The following NUP210L variants were observed in gnomAD, a reference collection of about 807,000 sequenced individuals.
The protein encoded by NUP210L is nuclear pore membrane glycoprotein 210-like.
A neutral mutation model predicts 208.5 loss-of-function variants in NUP210L; 74 were observed. The observed-to-expected ratio is 0.35, with a 90% CI of 0.29 to 0.43. The LOEUF (loss-of-function observed/expected upper bound fraction) is 0.43, where lower values mean the gene tolerates loss of function less well. Ranked by LOEUF, NUP210L falls within the 20% of genes least tolerant of loss-of-function variation. NUP210L has a pLI of 1.00. For synonymous variants in NUP210L, 780 were observed against 816.9 expected, an observed-to-expected ratio of 0.95 and a Z score of 0.77; for missense variants, 1,843 against 2,289.4, an observed-to-expected ratio of 0.81 and a Z score of 3.98.
chr1:154,131,586 G>A (rs1033596307), intron 7 of NUP210L, among the ~76,000 whole-genome samples: 4 of 151,316 alleles, frequency 2.6e-5, no homozygotes, highest in Non-Finnish European at 5.9e-5. Flanking sequence ...AAAAGTATTC[G>A]TTGTGTCTTT....
At chr1:154,039,526 G>A (rs1312373757) in intron 27 of NUP210L, among the ~76,000 whole-genome samples, 5 of 152,030 alleles carry the variant, frequency 3.3e-5, no homozygotes, top group Non-Finnish European at 7.4e-5. Context: ...GTGAGCCACC[G>A]CACCTGGCCT....
intron 7 of NUP210L, among the ~76,000 whole-genome samples, chr1:154,131,573 A>T (rs1165858683): frequency 6.6e-6 from 1 of 152,104 alleles, no homozygotes; most frequent in Non-Finnish European, 1.5e-5. Flanking sequence ...AATCTTAAAA[A>T]AAAAAAGTAT....
chr1:153,994,740 G>A (rs201986023), intron 38 of NUP210L, among the ~76,000 whole-genome samples: 5 of 151,746 alleles, frequency 3.3e-5, no homozygotes, highest in Non-Finnish European at 5.9e-5. Flanking sequence ...TCATCTGGGC[G>A]CGGTGGCTCA....
chr1:153,998,089 T>C (rs1463315344), intron 37 of NUP210L, among the ~76,000 whole-genome samples: 3 of 152,158 alleles, frequency 2.0e-5, no homozygotes, highest in Admixed American at 2.0e-4. Context: ...TTTTTTTCTC[T>C]ATACATTCTG....
At chr1:154,111,256 G>A (rs1000971391) in intron 12 of NUP210L, among the ~76,000 whole-genome samples, 3 of 151,258 alleles carry the variant, frequency 2.0e-5, no homozygotes, top group Admixed American at 6.6e-5. Context: ...GGTAGCAGGC[G>A]CCTATAATCC....
chr1:154,036,025 G>A (rs757002692), intron 27 of NUP210L, among the ~76,000 whole-genome samples: 9 of 152,018 alleles, frequency 5.9e-5, no homozygotes, highest in Non-Finnish European at 1.2e-4. Flanking sequence ...GAGCCACCGC[G>A]CCTGGCCTAT....
At chr1:154,091,588 C>T (rs1430116990) in intron 15 of NUP210L, among the ~76,000 whole-genome samples, 1 of 150,136 alleles carries the variant, frequency 6.7e-6, no homozygotes, top group East Asian at 2.0e-4. Flanking sequence ...GCAATCTCCA[C>T]CTCCCAGGTT....
chr1:154,147,686 C>T (rs1404805194), intron 2 of NUP210L, among the ~76,000 whole-genome samples: 2 of 151,312 alleles, frequency 1.3e-5, no homozygotes, highest in Non-Finnish European at 2.9e-5. Flanking sequence ...GAGACAAAGT[C>T]TCTCTCTGTC....
At chr1:154,001,875 T>G (rs1650233171) in exon 36 of NUP210L, 1 of 1,614,070 alleles carries the variant, frequency 6.2e-7, no homozygotes, top group Non-Finnish European at 8.5e-7. Flanking sequence ...CCATTCTTGC[T>G]ACGTTCACTG....
chr1:154,152,844 C>T, exon 2 of NUP210L: 2 of 1,614,024 alleles, frequency 1.2e-6, no homozygotes, highest in Non-Finnish European at 1.7e-6. Context: ...AAAGGCTCAA[C>T]AGTAACTGCA....
At position 154,131,271 on chromosome 1, in the gene NUP210L, C is replaced by CAA. The variant is rs71584177; in HGVS notation, c.1010-1928_1010-1927dup. 2.5e-3 allele frequency among the ~76,000 whole-genome samples: 297 copies of CAA among 119,806 alleles called. 1 individual carries two copies. The highest frequency in any genetic ancestry group is 4.3e-3 in the African/African-American group (132 of 30,546). 78.6% of individuals were successfully genotyped at this position (119,806 alleles called of 152,430 possible). A position where few individuals can be genotyped will look rare whatever the true frequency, so the allele number is the denominator to read the frequency against. ...CGGGCAACAGAGCGAGACTCCATCT[C>CAA]AAAAAAAAAAAAAAGAAAAGAAAAG... On this transcript the variant is annotated intron_variant, in intron 7 of 39. Transcript: ENST00000368559.
At chr1:154,018,958 G>A in exon 33 of NUP210L, 1 of 1,613,956 alleles carries the variant, frequency 6.2e-7, no homozygotes, top group Non-Finnish European at 8.5e-7. Context: ...CACTACTCCT[G>A]GGATGTCATG....
intron 34 of NUP210L, among the ~76,000 whole-genome samples, chr1:154,011,669 ATTATC>A (rs1650927897): frequency 7.0e-6 from 1 of 142,210 alleles, no homozygotes; most frequent in Non-Finnish European, 1.5e-5. Context: ...GAGTACTAAA[ATTATC>A]TTAAGTTTTT....
chr1:154,048,535 T>C lies in NUP210L; in HGVS notation c.3484-2166A>G, dbSNP rs185060128. Among the ~76,000 whole-genome samples the C allele has an allele frequency of 1.6e-4, 24 of 152,304 alleles. No homozygotes were observed. The East Asian group carries it at 4.0e-3, about 26-fold the overall frequency. On this transcript the variant is annotated intron_variant, in intron 25 of 39. Coordinates refer to ENST00000368559, the Ensembl canonical transcript of NUP210L. Reference sequence around the variant, plus strand: ...AGTGTCACTCTAAGTTTGATAAAGATGGGAAACCGATTTTGGGAAATGCCA... The same window carrying C: ...AGTGTCACTCTAAGTTTGATAAAGACGGGAAACCGATTTTGGGAAATGCCA...
At chr1:154,135,876 T>C in exon 7 of NUP210L, 1 of 1,613,238 alleles carries the variant, frequency 6.2e-7, no homozygotes, top group South Asian at 1.1e-5. Context: ...GGCTGTTTTG[T>C]CATCCAGTAT....
chr1:154,135,992 C>A lies in NUP210L; in HGVS notation c.851-20G>T. 1 of 1,555,898 alleles carries A rather than the reference C, an allele frequency of 6.4e-7. No individual in the cohort carries two copies. Among genetic ancestry groups the A allele is most frequent in the Non-Finnish European group, 8.9e-7 (1 of 1,127,738 alleles). Reference sequence around the variant, plus strand: ...TCACCTCTGTAAGACATGAAAGATACATAAATGTAATGACAGCAGCCATTC... The same window carrying A: ...TCACCTCTGTAAGACATGAAAGATAAATAAATGTAATGACAGCAGCCATTC... On this transcript the variant is annotated intron_variant, in intron 6 of 39. Transcript: ENST00000368559.
intron 16 of NUP210L, among the ~76,000 whole-genome samples, chr1:154,088,883 T>C (rs1655757784): frequency 1.3e-5 from 2 of 152,246 alleles, no homozygotes; most frequent in Non-Finnish European, 1.5e-5. Flanking sequence ...CTAGGATAGA[T>C]AACTCATTTA....
At chr1:154,125,746 G>A (rs71517772) in intron 10 of NUP210L, among the ~76,000 whole-genome samples, 1,121 of 4,092 alleles carry the variant, frequency 0.27, 435 homozygotes, top group Middle Eastern at 0.5. Context: ...AGGGAGGGAG[G>A]GAAATGTTTT....
At position 154,018,554 on chromosome 1, in the gene NUP210L, A is replaced by C. The variant is rs574234734; in HGVS notation, c.4653+379T>G. On this transcript the variant is annotated intron_variant, in intron 33 of 39. Transcript: ENST00000368559. ...TGTTCTAGATATAATCTGTGAGGAAACTCTATTGGCTCTACCTATAAAATA... is the reference window on the plus strand; with the variant it reads ...TGTTCTAGATATAATCTGTGAGGAACCTCTATTGGCTCTACCTATAAAATA... Among the ~76,000 whole-genome samples the C allele has an allele frequency of 2.6e-5, 4 of 152,052 alleles. No individual in the cohort carries two copies. In the South Asian group the frequency reaches 8.3e-4, roughly 32 times the overall value.
Sources: gnomAD v4.1 joint callset for allele counts (sites outside exome capture counted in the v4.1 genomes callset) on GRCh38, gnomAD v4.1.1 for gene constraint, MANE v1.5 for transcripts, NCBI Gene and HGNC (gene_info 2026-07-23, HGNC 2026-07-21) for gene names.